TEC: variants seen among roughly 807,000 people sequenced by gnomAD.
TEC encodes the protein tec protein tyrosine kinase.
A neutral mutation model predicts 93.0 loss-of-function variants in TEC; 72 were observed. The observed-to-expected ratio is 0.77, with a 90% CI of 0.64 to 0.94. The LOEUF is 0.94. Ranked by LOEUF, TEC falls within the 40% of genes least tolerant of loss-of-function variation. The pLI is 0.00. For missense variants in TEC, 630 were observed against 757.9 expected (o/e 0.83, Z 1.98); for synonymous variants, 249 against 247.7 (o/e 1.01, Z -0.05).
rs539477793 is a variant in TEC at position 48,178,634 on chromosome 4, G to A, written c.139-2448C>T. On this transcript the variant is annotated intron_variant, in intron 2 of 17. Transcript: ENST00000381501. ...ATGCCCGAGATGCAAAGCAGTAAGA[G>A]GACTCATGGAGCCAAGTCCCACCAT... 3.5e-4 allele frequency among the ~76,000 whole-genome samples: 53 copies of A among 152,214 alleles called. No individual in the cohort carries two copies. In the South Asian group the frequency reaches 6.4e-3, roughly 18 times the overall value.
At chr4:48,173,928 C>T (rs1191243381) in intron 3 of TEC, among the ~76,000 whole-genome samples, 2 of 152,158 alleles carry the variant, frequency 1.3e-5, no homozygotes, top group African/African-American at 4.8e-5. Context: ...TTTCTTCTCC[C>T]AGTGTCTTTT....
At chr4:48,256,910 A>G (rs948483757) in intron 1 of TEC, among the ~76,000 whole-genome samples, 2 of 152,246 alleles carry the variant, frequency 1.3e-5, no homozygotes, top group Non-Finnish European at 2.9e-5. Context: ...GCGCTGTTCA[A>G]TATGACAGCC....
At chr4:48,244,695 T>TA (rs1724009000) in intron 1 of TEC, among the ~76,000 whole-genome samples, 1 of 152,236 alleles carries the variant, frequency 6.6e-6, no homozygotes, top group Non-Finnish European at 1.5e-5. Flanking sequence ...GACAGGGATA[T>TA]AACATTCCAC....
chr4:48,178,987 T>C (rs543682494), intron 2 of TEC, among the ~76,000 whole-genome samples: 1 of 152,266 alleles, frequency 6.6e-6, no homozygotes, highest in East Asian at 1.9e-4. Context: ...TTCTCTGAAT[T>C]GTAAGCCACC....
intron 11 of TEC, among the ~76,000 whole-genome samples, chr4:48,146,845 G>A (rs1253166943): frequency 2.6e-5 from 4 of 151,404 alleles, no homozygotes; most frequent in Non-Finnish European, 5.9e-5. Flanking sequence ...AACCCAAGTC[G>A]CATACAGCAC....
At position 48,137,377 on chromosome 4, in the gene TEC, T is replaced by G; in HGVS notation, c.*39A>C. The G allele has an allele frequency of 6.4e-7, 1 of 1,551,088 alleles. No individual in the cohort carries two copies. The highest frequency in any genetic ancestry group is 8.9e-7 in the Non-Finnish European group (1 of 1,126,454). ...AAAGCCACAAAATGCCCATCCTTCCTTGTGCTTGGGAATCTGGGAGCCACT... is the reference window on the plus strand; with the variant it reads ...AAAGCCACAAAATGCCCATCCTTCCGTGTGCTTGGGAATCTGGGAGCCACT... On this transcript the variant is annotated 3_prime_UTR_variant, in exon 18 of 18. Transcript: ENST00000381501.
chr4:48,246,272 T>A (rs1369666240), intron 1 of TEC, among the ~76,000 whole-genome samples: 1 of 152,070 alleles, frequency 6.6e-6, no homozygotes, highest in Non-Finnish European at 1.5e-5. Context: ...GAAATAAATT[T>A]AAAAAGACTT....
intron 2 of TEC, among the ~76,000 whole-genome samples, chr4:48,198,012 G>A (rs1702451951): frequency 6.6e-6 from 1 of 152,160 alleles, no homozygotes; most frequent in African/African-American, 2.4e-5. Context: ...CTCTCTGCCT[G>A]ACTCCATTCC....
chr4:48,209,734 C>T (rs1195790376), intron 2 of TEC, among the ~76,000 whole-genome samples: 2 of 152,106 alleles, frequency 1.3e-5, no homozygotes, highest in African/African-American at 4.8e-5. Context: ...ATACATTTAA[C>T]AAGAAAAGTA....
intron 9 of TEC, among the ~76,000 whole-genome samples, chr4:48,152,618 G>A (rs911302798): frequency 2.0e-5 from 3 of 152,140 alleles, no homozygotes; most frequent in Non-Finnish European, 4.4e-5. Flanking sequence ...GTAAGGAAAT[G>A]AGAACAGAAA....
chr4:48,143,017 A>T (rs1372478129), intron 14 of TEC, among the ~76,000 whole-genome samples: 5 of 152,098 alleles, frequency 3.3e-5, no homozygotes, highest in Admixed American at 2.0e-4. Context: ...ATAGACCAAG[A>T]TATGTTTTTC....
intron 14 of TEC, among the ~76,000 whole-genome samples, chr4:48,143,797 T>C (rs773563450): frequency 6.6e-6 from 1 of 152,174 alleles, no homozygotes; most frequent in Non-Finnish European, 1.5e-5. Flanking sequence ...TTTTATCCTA[T>C]TTGCACCTCA....
chr4:48,155,581 T>C (rs920567606), intron 9 of TEC, among the ~76,000 whole-genome samples: 15 of 152,156 alleles, frequency 9.9e-5, no homozygotes, highest in African/African-American at 3.6e-4. Context: ...CTGTTTCAGG[T>C]GATGTCAGAG....
intron 2 of TEC, among the ~76,000 whole-genome samples, chr4:48,211,189 C>T (rs999156362): frequency 1.3e-5 from 2 of 152,224 alleles, no homozygotes; most frequent in African/African-American, 4.8e-5. Flanking sequence ...CCTAACTTCA[C>T]AGAAATTCTG....
chr4:48,189,895 C>T (rs937416606), intron 2 of TEC, among the ~76,000 whole-genome samples: 28 of 152,110 alleles, frequency 1.8e-4, no homozygotes, highest in African/African-American at 6.3e-4. Context: ...AGCAAAAACA[C>T]CTGTGGGAAA....
At chr4:48,226,085 G>A (rs901137393) in intron 2 of TEC, among the ~76,000 whole-genome samples, 1 of 152,138 alleles carries the variant, frequency 6.6e-6, no homozygotes. Flanking sequence ...GGATGCCACT[G>A]TTGTCCTTAT....
At chr4:48,242,870 C>A (rs1392957901) in intron 1 of TEC, among the ~76,000 whole-genome samples, 1 of 152,096 alleles carries the variant, frequency 6.6e-6, no homozygotes, top group Non-Finnish European at 1.5e-5. Context: ...ACACTCTCTG[C>A]CCTTAACTGA....
intron 14 of TEC, among the ~76,000 whole-genome samples, chr4:48,144,340 A>G (rs1719813443): frequency 6.6e-6 from 1 of 152,242 alleles, no homozygotes; most frequent in Non-Finnish European, 1.5e-5. Flanking sequence ...TCTTCTTGGT[A>G]AAAGAATTAT....
intron 2 of TEC, among the ~76,000 whole-genome samples, chr4:48,218,766 C>A (rs1475264774): frequency 6.6e-6 from 1 of 152,124 alleles, no homozygotes; most frequent in Non-Finnish European, 1.5e-5. Context: ...CCAATATGAC[C>A]CAGGAGAGCC....
Sources: allele counts gnomAD v4.1 joint callset (sites outside exome capture counted in the v4.1 genomes callset), GRCh38; gene constraint gnomAD v4.1.1; transcripts MANE v1.5; gene names NCBI Gene and HGNC (gene_info 2026-07-23, HGNC 2026-07-21).